Variants in FOXP2 observed in about 807,000 individuals in gnomAD.
FOXP2 encodes forkhead box P2, also known as forkhead box protein P2.
In FOXP2, 12 loss-of-function variants were observed where a neutral mutation model predicts 115.8. The ratio of observed to expected loss-of-function variants is 0.10; its 90% confidence interval spans 0.07 to 0.17. The LOEUF (loss-of-function observed/expected upper bound fraction) is 0.17. FOXP2 is among the 10% of genes least tolerant of loss of function. The pLI, the probability that FOXP2 is intolerant of heterozygous loss-of-function variation, is 1.00. For synonymous variants in FOXP2, 328 were observed against 297.7 expected (o/e 1.10, Z -1.05); for missense variants, 629 against 843.5 (o/e 0.75, Z 3.15).
At chr7:114,206,757 T>C (rs1271017664) in intron 1 of FOXP2, among the ~76,000 whole-genome samples, 1 of 152,250 alleles carries the variant, frequency 6.6e-6, no homozygotes, top group Non-Finnish European at 1.5e-5. Context: ...TTTTGAGCTA[T>C]CTTACATGAC....
At chr7:114,506,295 T>G (rs1179010316) in intron 2 of FOXP2, among the ~76,000 whole-genome samples, 1 of 151,722 alleles carries the variant, frequency 6.6e-6, no homozygotes, top group Non-Finnish European at 1.5e-5. Flanking sequence ...TTCTGCCTTT[T>G]TTGTTTGTTT....
At chr7:114,548,008 T>C (rs1800016799) in intron 3 of FOXP2, among the ~76,000 whole-genome samples, 1 of 152,200 alleles carries the variant, frequency 6.6e-6, no homozygotes, top group South Asian at 2.1e-4. Flanking sequence ...CACAGACAAG[T>C]AGTCCAGAGC....
At chr7:114,236,104 A>G (rs1458737381) in intron 1 of FOXP2, among the ~76,000 whole-genome samples, 1 of 152,172 alleles carries the variant, frequency 6.6e-6, no homozygotes, top group Non-Finnish European at 1.5e-5. Context: ...TATTTGTTGA[A>G]TGAGTGAATG....
chr7:114,396,944 G>A (rs1038246149), intron 2 of FOXP2, among the ~76,000 whole-genome samples: 1 of 151,842 alleles, frequency 6.6e-6, no homozygotes, highest in Non-Finnish European at 1.5e-5. Context: ...GTCATACATG[G>A]TAAATATATG....
At position 114,690,391 on chromosome 7, in the gene FOXP2, T is replaced by C. The variant is rs1420104096; in HGVS notation, c.*465T>C. The C allele has an allele frequency of 2.2e-6, 1 of 454,094 alleles. No individual in the cohort carries two copies. Among genetic ancestry groups the C allele is most frequent in the Admixed American group, 2.4e-5 (1 of 42,536 alleles). The allele number at this position is 454,094 out of a possible 1,614,324, so 28.1% of individuals were successfully genotyped here. A position where few individuals can be genotyped will look rare whatever the true frequency, so the allele number is the denominator to read the frequency against. On this transcript the variant is annotated 3_prime_UTR_variant, in exon 17 of 17. Transcript: ENST00000350908. ...AAACAATTGCTGGTCAAGTTCAACT[T>C]GTTGCTATTGTTTTTAATTTGCACA...
In FOXP2 at chr7:114,231,458, G is replaced by A. The variant is rs567518471; in HGVS notation, c.-101-56561G>A. Among the ~76,000 whole-genome samples, 5 of 152,164 alleles carry A rather than the reference G, an allele frequency of 3.3e-5. No homozygotes were observed. In the South Asian group the frequency reaches 8.3e-4, roughly 25 times the overall value. On this transcript the variant is annotated intron_variant, in intron 1 of 17. Transcript: ENST00000634411. ...AATATGGCTGGAGACCTCACACATCGATTTCAAAACGTGTTGTGAATACAA... is the reference window on the plus strand; with the variant it reads ...AATATGGCTGGAGACCTCACACATCAATTTCAAAACGTGTTGTGAATACAA...
chr7:114,543,282 G>A (rs1359264639), intron 3 of FOXP2, among the ~76,000 whole-genome samples: 1 of 152,086 alleles, frequency 6.6e-6, no homozygotes, highest in African/African-American at 2.4e-5. Flanking sequence ...AGATGAGGTA[G>A]AAACCACTCA....
intron 3 of FOXP2, among the ~76,000 whole-genome samples, chr7:114,616,172 T>G (rs1207442214): frequency 8.7e-6 from 1 of 114,438 alleles, no homozygotes; most frequent in East Asian, 1.9e-4. Flanking sequence ...GTCGTTTTTG[T>G]TTTTTTTTGA....
chr7:114,333,654 A>C (rs1322943931), intron 2 of FOXP2, among the ~76,000 whole-genome samples: 1 of 152,160 alleles, frequency 6.6e-6, no homozygotes, highest in Non-Finnish European at 1.5e-5. Context: ...TGGAAGGCTA[A>C]GGTGGGCAGA....
intron 2 of FOXP2, among the ~76,000 whole-genome samples, chr7:114,293,301 CTCTTA>C (rs1359661854): frequency 6.6e-6 from 1 of 152,070 alleles, no homozygotes; most frequent in Non-Finnish European, 1.5e-5. Context: ...CTGTTTCTGT[CTCTTA>C]TCTTTGTCTC....
intron 2 of FOXP2, among the ~76,000 whole-genome samples, chr7:114,463,443 G>T (rs778773553): frequency 3.3e-5 from 5 of 152,182 alleles, no homozygotes; most frequent in Non-Finnish European, 7.3e-5. Context: ...GGAAATGAAT[G>T]TTTTAATGTG....
intron 3 of FOXP2, among the ~76,000 whole-genome samples, chr7:114,622,477 AGCAGAAAACCAT>A (rs1804306617): frequency 6.6e-6 from 1 of 151,934 alleles, no homozygotes; most frequent in African/African-American, 2.4e-5. Context: ...TGATACATCA[AGCAGAAAACCAT>A]GCAGCTAAAT....
At chr7:114,514,310 A>G (rs1478935859) in intron 2 of FOXP2, among the ~76,000 whole-genome samples, 3 of 152,122 alleles carry the variant, frequency 2.0e-5, no homozygotes, top group Admixed American at 2.0e-4. Flanking sequence ...CTATTATACT[A>G]TACTTTGTCA....
intron 2 of FOXP2, among the ~76,000 whole-genome samples, chr7:114,518,514 T>C (rs968836166): frequency 2.6e-5 from 4 of 151,936 alleles, no homozygotes; most frequent in Non-Finnish European, 5.9e-5. Flanking sequence ...CTATAGAATT[T>C]TTTTTTTTTT....
chr7:114,275,146 G>C (rs1796158778), intron 1 of FOXP2, among the ~76,000 whole-genome samples: 2 of 150,760 alleles, frequency 1.3e-5, no homozygotes, highest in South Asian at 4.2e-4. Flanking sequence ...GTAGTTTTTT[G>C]ACATTTATTC....
intron 1 of FOXP2, among the ~76,000 whole-genome samples, chr7:114,194,455 TTTTTG>T (rs1793847756): frequency 1.3e-5 from 2 of 152,100 alleles, no homozygotes; most frequent in Admixed American, 1.3e-4. Context: ...CATTGATTTT[TTTTTG>T]TTTTATCTTT....
At chr7:114,512,209 G>A (rs1442369360) in intron 2 of FOXP2, among the ~76,000 whole-genome samples, 1 of 152,132 alleles carries the variant, frequency 6.6e-6, no homozygotes, top group Non-Finnish European at 1.5e-5. Flanking sequence ...GAACAGAAAG[G>A]CAGAGCTTTT....
At chr7:114,177,384 C>T (rs1167660627) in intron 1 of FOXP2, among the ~76,000 whole-genome samples, 1 of 151,996 alleles carries the variant, frequency 6.6e-6, no homozygotes, top group East Asian at 1.9e-4. Context: ...CACATTTTGT[C>T]AACACTTAGG....
intron 1 of FOXP2, among the ~76,000 whole-genome samples, chr7:114,108,395 G>T (rs1791178824): frequency 6.6e-6 from 1 of 151,862 alleles, no homozygotes; most frequent in African/African-American, 2.4e-5. Flanking sequence ...CAGCCATTAT[G>T]TTTTTAGTAA....
Sources: allele counts gnomAD v4.1 joint callset (sites outside exome capture counted in the v4.1 genomes callset), GRCh38; gene constraint gnomAD v4.1.1; transcripts MANE v1.5; gene names NCBI Gene and HGNC (gene_info 2026-07-23, HGNC 2026-07-21).